The following DGKI variants were observed in gnomAD, a reference collection of about 807,000 sequenced individuals.
The protein encoded by DGKI is diacylglycerol kinase iota.
Under a neutral mutation model 147.5 loss-of-function variants are expected in DGKI, and 55 were observed. The ratio of observed to expected loss-of-function variants is 0.37; its 90% CI spans 0.30 to 0.47. The LOEUF is 0.47. Among genes scored for constraint, DGKI ranks in the 20% least tolerant of loss-of-function variants. The probability of loss-of-function intolerance (pLI) is 1.00; values close to 1 mark genes in which losing one functional copy is unlikely to be tolerated. For synonymous variants in DGKI, 469 were observed against 477.1 expected (o/e 0.98, Z 0.22); for missense variants, 1,007 against 1,323.8 (o/e 0.76, Z 3.71).
chr7:137,612,221 C>CTTTTTTTT (rs551204704), intron 8 of DGKI, among the ~76,000 whole-genome samples: 2 of 113,958 alleles, frequency 1.8e-5, no homozygotes, highest in African/African-American at 3.5e-5. Flanking sequence ...ACAAAACGGG[C>CTTTTTTTT]TTTTTTTTTT....
chr7:137,642,399 C>T (rs1821660828), intron 6 of DGKI, among the ~76,000 whole-genome samples: 1 of 152,164 alleles, frequency 6.6e-6, no homozygotes, highest in South Asian at 2.1e-4. Flanking sequence ...CTTAGCTTGA[C>T]CACAGCTCTC....
chr7:137,602,531 T>C (rs1820029561), intron 10 of DGKI, among the ~76,000 whole-genome samples: 1 of 152,198 alleles, frequency 6.6e-6, no homozygotes, highest in Non-Finnish European at 1.5e-5. Context: ...AAATATGGTA[T>C]TTATTACCAA....
At chr7:137,713,957 T>C (rs549352553) in intron 1 of DGKI, among the ~76,000 whole-genome samples, 1 of 152,334 alleles carries the variant, frequency 6.6e-6, no homozygotes, top group East Asian at 1.9e-4. Context: ...CAATTTTGAA[T>C]GGGGATATTT....
chr7:137,695,621 G>T (rs1004003168), intron 1 of DGKI, among the ~76,000 whole-genome samples: 2 of 152,254 alleles, frequency 1.3e-5, no homozygotes, highest in Middle Eastern at 3.4e-3. Flanking sequence ...AGTAAGATTT[G>T]AATGGAGGCA....
At chr7:137,632,389 T>C (rs1009125839) in intron 6 of DGKI, among the ~76,000 whole-genome samples, 1 of 152,208 alleles carries the variant, frequency 6.6e-6, no homozygotes, top group Non-Finnish European at 1.5e-5. Context: ...CAAGAGTCTA[T>C]GGTAACACTT....
intron 1 of DGKI, among the ~76,000 whole-genome samples, chr7:137,732,880 TC>T (rs543842889): frequency 1.1e-3 from 160 of 151,140 alleles, no homozygotes; most frequent in African/African-American, 3.6e-3. Flanking sequence ...CATTCTGAGA[TC>T]CCCCCCATTC....
chr7:137,422,590 CTTTTCTTTTTTTTTTTTT>C (rs1435119952), intron 28 of DGKI, among the ~76,000 whole-genome samples: 17 of 58,372 alleles, frequency 2.9e-4, no homozygotes, highest in African/African-American at 8.3e-4. Context: ...TTTTCTTTTT[CTTTTCTTTTTTTTTTTTT>C]TTTTTTTTTT....
chr7:137,513,500 T>A (rs1458534967), intron 21 of DGKI, among the ~76,000 whole-genome samples: 1 of 152,248 alleles, frequency 6.6e-6, no homozygotes, highest in African/African-American at 2.4e-5. Context: ...CTTAGTTTTA[T>A]AGTTAAATAC....
At chr7:137,391,429 A>T (rs2128892243) in intron 32 of DGKI, 93 bp from the exon 33 acceptor site, 1 of 869,222 alleles carries the variant, frequency 1.2e-6, no homozygotes, top group South Asian at 1.7e-5. Flanking sequence ...AAACAAAACA[A>T]AAATCACAGA....
At position 137,846,161 on chromosome 7, in the gene DGKI, T is replaced by TCTCTCTCTCTCTCTCA. The variant is rs781580130; in HGVS notation, c.401+300_401+301insTGAGAGAGAGAGAGAG. 3.8e-3 allele frequency among the ~76,000 whole-genome samples: 414 copies of TCTCTCTCTCTCTCTCA among 108,170 alleles called. 7 individuals are homozygous for TCTCTCTCTCTCTCTCA. Among genetic ancestry groups the TCTCTCTCTCTCTCTCA allele is most frequent in the Admixed American group, 0.026 (237 of 9,256 alleles). 71.0% of individuals were successfully genotyped at this position (108,170 alleles called of 152,430 possible). A position where few individuals can be genotyped will look rare whatever the true frequency, so the allele number is the denominator to read the frequency against. On this transcript the variant is annotated intron_variant, in intron 1 of 32. Transcript: ENST00000614521. This position sits in a 1 kb window ranked among gnomAD's most constrained non-coding sequence, Gnocchi z 4.0. Reference sequence around the variant, plus strand: ...CTCTCTCTCTCTCTCTCTCTCTCTCTCACACACACACACACACACACACAC... The same window carrying TCTCTCTCTCTCTCTCA: ...CTCTCTCTCTCTCTCTCTCTCTCTCTCTCTCTCTCTCTCTCACACACACACACACACACACACACAC...
intron 1 of DGKI, among the ~76,000 whole-genome samples, chr7:137,764,596 C>T (rs1203764315): frequency 7.2e-5 from 11 of 152,312 alleles, no homozygotes; most frequent in African/African-American, 9.6e-5. Flanking sequence ...CCCCAAAAGG[C>T]AGATGTCCTC....
At chr7:137,474,359 A>G (rs1444233535) in intron 23 of DGKI, among the ~76,000 whole-genome samples, 6 of 152,228 alleles carry the variant, frequency 3.9e-5, no homozygotes, top group African/African-American at 1.2e-4. Context: ...ATGTTCCAAC[A>G]TAACAGATTG....
At chr7:137,638,702 A>AT (rs1821508607) in intron 6 of DGKI, among the ~76,000 whole-genome samples, 1 of 145,536 alleles carries the variant, frequency 6.9e-6, no homozygotes, top group Non-Finnish European at 1.5e-5. Context: ...ATACATATGT[A>AT]CGCACATAGA....
At chr7:137,696,930 C>T (rs1429606015) in intron 1 of DGKI, among the ~76,000 whole-genome samples, 1 of 152,090 alleles carries the variant, frequency 6.6e-6, no homozygotes, top group Non-Finnish European at 1.5e-5. Context: ...CCCAGACACA[C>T]ACATAGGGAG....
chr7:137,736,884 T>A (rs1003698222), intron 1 of DGKI, among the ~76,000 whole-genome samples: 13 of 152,056 alleles, frequency 8.5e-5, no homozygotes, highest in African/African-American at 3.1e-4. Context: ...AGATAAGCAG[T>A]CTATTCAGTT....
chr7:137,763,331 CA>C (rs1419373585), intron 1 of DGKI, among the ~76,000 whole-genome samples: 2 of 152,196 alleles, frequency 1.3e-5, no homozygotes, highest in African/African-American at 4.8e-5. Context: ...TGTGAACTGA[CA>C]CACACCTCAA....
At chr7:137,789,003 G>A (rs979894533) in intron 1 of DGKI, among the ~76,000 whole-genome samples, 1 of 152,186 alleles carries the variant, frequency 6.6e-6, no homozygotes, top group African/African-American at 2.4e-5. Flanking sequence ...ATGAATTACA[G>A]TGAAGTGAAT....
chr7:137,556,306 A>G (rs1198358916), intron 19 of DGKI, among the ~76,000 whole-genome samples: 1 of 152,106 alleles, frequency 6.6e-6, no homozygotes, highest in Non-Finnish European at 1.5e-5. Flanking sequence ...CTTTCAAGAA[A>G]CAAAGTTATC....
intron 14 of DGKI, 82 bp from the exon 15 acceptor site, chr7:137,582,010 A>G: frequency 9.0e-7 from 1 of 1,111,602 alleles, no homozygotes; most frequent in African/African-American, 1.5e-5. Flanking sequence ...CTGGACCCCT[A>G]TCTCTGAAGA....
Sources: gnomAD v4.1 joint callset for allele counts (sites outside exome capture counted in the v4.1 genomes callset) on GRCh38, gnomAD v4.1.1 for gene constraint, Gnocchi (gnomAD v3.1) non-coding constraint, MANE v1.5 for transcripts, NCBI Gene and HGNC (gene_info 2026-07-23, HGNC 2026-07-21) for gene names.